TBCEL: variants seen among roughly 807,000 people sequenced by gnomAD.
The protein encoded by TBCEL is tubulin-specific chaperone cofactor E-like protein.
In TBCEL, 15 loss-of-function variants were observed where a neutral mutation model predicts 44.2. The ratio of observed to expected loss-of-function variants is 0.34; its 90% CI spans 0.23 to 0.52. The LOEUF is 0.52. TBCEL is among the 20% of genes least tolerant of loss of function. The pLI, the probability that TBCEL is intolerant of heterozygous loss-of-function variation, is 0.95. For missense variants in TBCEL, 319 were observed against 506.3 expected (o/e 0.63, Z 3.55); for synonymous variants, 171 against 185.4 (o/e 0.92, Z 0.63).
chr11:121,038,306 G>C (rs527657230), intron 2 of TBCEL, among the ~76,000 whole-genome samples: 19 of 152,080 alleles, frequency 1.2e-4, no homozygotes, highest in African/African-American at 4.6e-4. Flanking sequence ...AATAAAGCTC[G>C]TTAGTAGACC....
intron 5 of TBCEL, 105 bp from the exon 6 acceptor site, chr11:121,054,947 C>G (rs969942125): frequency 1.7e-6 from 2 of 1,173,974 alleles, no homozygotes; most frequent in African/African-American, 1.6e-5. Context: ...CTAGCAGAGT[C>G]TCACATATAG....
At chr11:121,068,496 G>A (rs988737699) in intron 8 of TBCEL, among the ~76,000 whole-genome samples, 2 of 151,798 alleles carry the variant, frequency 1.3e-5, no homozygotes, top group African/African-American at 2.4e-5. Context: ...TATTGTAGTA[G>A]CCTACTGACC....
intron 8 of TBCEL, among the ~76,000 whole-genome samples, chr11:121,086,204 A>C (rs1387529172): frequency 1.3e-5 from 2 of 152,134 alleles, no homozygotes; most frequent in Admixed American, 6.5e-5. Context: ...CTTACTTACC[A>C]CTTTTTTCCA....
intron 8 of TBCEL, among the ~76,000 whole-genome samples, chr11:121,083,255 G>A (rs61903190): frequency 6.6e-6 from 1 of 152,326 alleles, no homozygotes; most frequent in African/African-American, 2.4e-5. Flanking sequence ...CAGATAGATT[G>A]ATGGGATACG....
chr11:121,058,515 T>G, intron 7 of TBCEL, 44 bp downstream of exon 7: 1 of 1,604,860 alleles, frequency 6.2e-7, no homozygotes, highest in Non-Finnish European at 8.5e-7. Context: ...TGAGGCCTTA[T>G]TGTTTCATTA....
intron 8 of TBCEL, among the ~76,000 whole-genome samples, chr11:121,073,491 G>T (rs975783829): frequency 2.6e-5 from 4 of 151,734 alleles, no homozygotes; most frequent in African/African-American, 9.7e-5. Context: ...TGCTGATCCT[G>T]TGTCTGTCAG....
At chr11:121,065,278 A>G (rs1357813438) in intron 8 of TBCEL, among the ~76,000 whole-genome samples, 1 of 152,200 alleles carries the variant, frequency 6.6e-6, no homozygotes, top group Non-Finnish European at 1.5e-5. Flanking sequence ...AAATTCTCTC[A>G]GGCAGGGGGA....
chr11:121,085,217 T>G (rs1946194689), intron 8 of TBCEL, among the ~76,000 whole-genome samples: 1 of 151,878 alleles, frequency 6.6e-6, no homozygotes. Context: ...TTTTTGTGTT[T>G]TTAGTAGAGA....
At chr11:121,056,043 T>G (rs143140764) in intron 6 of TBCEL, among the ~76,000 whole-genome samples, 1,863 of 151,920 alleles carry the variant, frequency 0.012, 12 homozygotes, top group Middle Eastern at 0.02. Context: ...TGGTGTAAAT[T>G]CTACGGATTT....
intron 4 of TBCEL, 50 bp downstream of exon 4, chr11:121,047,717 G>A (rs1321089447): frequency 3.8e-6 from 6 of 1,596,668 alleles, no homozygotes; most frequent in East Asian, 2.3e-5. Flanking sequence ...AATAACCATT[G>A]TGTCATTGTT....
chr11:121,028,671 A>T (rs1387454425), intron 1 of TBCEL, among the ~76,000 whole-genome samples: 1 of 152,242 alleles, frequency 6.6e-6, no homozygotes, highest in East Asian at 1.9e-4. Context: ...TGCTGTCATG[A>T]TGATGCCTAG....
intron 4 of TBCEL, among the ~76,000 whole-genome samples, chr11:121,052,749 C>G (rs1945551351): frequency 6.6e-6 from 1 of 151,772 alleles, no homozygotes; most frequent in Non-Finnish European, 1.5e-5. Flanking sequence ...CAGACGTGAC[C>G]TTTGTAACTG....
chr11:121,042,608 C>T (rs1281411758), intron 2 of TBCEL, among the ~76,000 whole-genome samples: 4 of 152,124 alleles, frequency 2.6e-5, no homozygotes, highest in East Asian at 1.9e-4. Flanking sequence ...CCTCTATTTT[C>T]AAGGTCACTT....
At chr11:121,058,978 C>T (rs1271643384) in intron 7 of TBCEL, among the ~76,000 whole-genome samples, 1 of 151,916 alleles carries the variant, frequency 6.6e-6, no homozygotes, top group East Asian at 1.9e-4. Context: ...GTGTCTCAGC[C>T]TCTGCCTCCA....
intron 1 of TBCEL, among the ~76,000 whole-genome samples, chr11:121,024,548 GCTGGGGGA>G (rs1565487811): frequency 3.9e-5 from 6 of 151,980 alleles, no homozygotes; most frequent in South Asian, 2.1e-4. Flanking sequence ...GCTGGGCTGG[GCTGGGGGA>G]CTGGTCCCGG....
At chr11:121,034,317 A>G (rs894296357) in intron 1 of TBCEL, among the ~76,000 whole-genome samples, 3 of 152,204 alleles carry the variant, frequency 2.0e-5, no homozygotes, top group Non-Finnish European at 4.4e-5. Context: ...GTACAGTAGG[A>G]GTACAAAAAT....
In TBCEL at chr11:121,055,133, A is replaced by G. The variant is rs751689901; in HGVS notation, c.537A>G (p.Leu179=). 13 of 1,611,508 alleles carry G rather than the reference A, an allele frequency of 8.1e-6. No individual in the cohort carries two copies. Among genetic ancestry groups the G allele is most frequent in the South Asian group, 3.3e-5 (3 of 90,784 alleles). ...TTTGCTGTCATTCTCTTAAGCTACT[A>G]CATATAACAGACAATAACCTCCAAG... The part of the protein sequence containing the change: ...PSICCHSLKL[L]HITDNNLQDW... The change falls in exon 6 of 9, where the codon CTA becomes CTG. Residue 179 remains leucine, a synonymous_variant. Coordinates refer to ENST00000683345, the MANE Select transcript of TBCEL (RefSeq NM_001363644.2).
intron 8 of TBCEL, among the ~76,000 whole-genome samples, chr11:121,066,373 A>T (rs1945820632): frequency 6.6e-6 from 1 of 152,184 alleles, no homozygotes. Flanking sequence ...GCTTCCAAGG[A>T]ATGGAGAAAG....
At chr11:121,024,540 T>TGGGCA in intron 1 of TBCEL, among the ~76,000 whole-genome samples, 1 of 120,234 alleles carries the variant, frequency 8.3e-6, no homozygotes, top group Admixed American at 8.5e-5. Flanking sequence ...TGGGCTGGGC[T>TGGGCA]GGGCTGGGCT....
Sources: allele counts gnomAD v4.1 joint callset (sites outside exome capture counted in the v4.1 genomes callset), GRCh38; gene constraint gnomAD v4.1.1; transcripts MANE v1.5; gene names NCBI Gene and HGNC (gene_info 2026-07-23, HGNC 2026-07-21).